F2R: variants seen among roughly 807,000 people sequenced by gnomAD.
The protein encoded by F2R is proteinase-activated receptor 1.
Under a neutral mutation model 18.3 loss-of-function variants are expected in F2R, and 12 were observed. The observed-to-expected ratio is 0.66, with a 90% CI of 0.42 to 1.06. The LOEUF is 1.06. Among genes scored for constraint, F2R ranks in the 50% least tolerant of loss-of-function variants. The probability of loss-of-function intolerance (pLI) is 0.00; values close to 1 mark genes in which losing one functional copy is unlikely to be tolerated. For synonymous variants in F2R, 210 were observed against 219.9 expected (o/e 0.95, Z 0.40); for missense variants, 438 against 530.8 (o/e 0.83, Z 1.72).
At chr5:76,731,499 T>C (rs1294729257) in intron 1 of F2R, among the ~76,000 whole-genome samples, 2 of 146,852 alleles carry the variant, frequency 1.4e-5, no homozygotes, top group Admixed American at 1.4e-4. Flanking sequence ...GAAAAAGAAA[T>C]CCCCTCTACT....
At chr5:76,731,727 A>T (rs1268266316) in intron 1 of F2R, among the ~76,000 whole-genome samples, 1 of 151,852 alleles carries the variant, frequency 6.6e-6, no homozygotes, top group Non-Finnish European at 1.5e-5. Flanking sequence ...ATGGGGTTTC[A>T]CCATCTTGGC....
At chr5:76,731,368 C>T (rs1343820367) in intron 1 of F2R, among the ~76,000 whole-genome samples, 4 of 151,792 alleles carry the variant, frequency 2.6e-5, no homozygotes, top group East Asian at 2.0e-4. Flanking sequence ...CAGCTACTCA[C>T]GAGGCTGAGG....
At chr5:76,725,047 T>A (rs1221651083) in intron 1 of F2R, among the ~76,000 whole-genome samples, 3 of 152,212 alleles carry the variant, frequency 2.0e-5, no homozygotes, top group Admixed American at 2.0e-4. Context: ...AGCAAAGTCC[T>A]GGGACTTCTG....
At chr5:76,727,551 A>T (rs1268869924) in intron 1 of F2R, among the ~76,000 whole-genome samples, 2 of 151,940 alleles carry the variant, frequency 1.3e-5, no homozygotes, top group African/African-American at 2.4e-5. Flanking sequence ...TTGTCTGGAG[A>T]CCCTCTCCCA....
At chr5:76,719,587 T>C (rs2227758) in intron 1 of F2R, among the ~76,000 whole-genome samples, 1 of 124,802 alleles carries the variant, frequency 8.0e-6, no homozygotes, top group Non-Finnish European at 1.6e-5. Flanking sequence ...AGACTCTCTC[T>C]CAAAAAAAAA....
At position 76,734,805 on chromosome 5, in the gene F2R, T is replaced by C. The variant is rs961832113; in HGVS notation, c.*1302T>C. ...ACTATTTCTTGTGGTTATAACTTAATGAAAACAATGCAGTACAGGACATAT... is the reference window on the plus strand; with the variant it reads ...ACTATTTCTTGTGGTTATAACTTAACGAAAACAATGCAGTACAGGACATAT... On this transcript the variant is annotated 3_prime_UTR_variant, in exon 2 of 2. Coordinates refer to ENST00000319211, the MANE Select transcript of F2R (RefSeq NM_001992.5). 2.0e-5 allele frequency: 3 copies of C among 152,372 alleles called. No individual in the cohort carries two copies. The highest frequency in any genetic ancestry group is 4.4e-5 in the Non-Finnish European group (3 of 68,040). The allele number at this position is 152,372 out of a possible 1,614,324, so 9.4% of individuals were successfully genotyped here.
chr5:76,720,468 T>G, intron 1 of F2R, among the ~76,000 whole-genome samples: 1 of 152,028 alleles, frequency 6.6e-6, no homozygotes, highest in Non-Finnish European at 1.5e-5. Flanking sequence ...AATTTTAAAT[T>G]TAAATTAATC....
In F2R at chr5:76,716,185, A is replaced by G. The variant is rs1748336797; in HGVS notation, c.-123A>G. ...TTGGACCCTGATCTTACCCGTGGGC[A>G]CCCTGCGCTCTGCCTGCCGCGAAGA... On this transcript the variant is annotated 5_prime_UTR_variant, in exon 1 of 2. Transcript: ENST00000319211. The G allele has an allele frequency of 1.5e-6, 1 of 649,798 alleles. No homozygotes were observed. Among genetic ancestry groups the G allele is most frequent in the Non-Finnish European group, 2.2e-6 (1 of 451,742 alleles). 40.3% of individuals were successfully genotyped at this position (649,798 alleles called of 1,614,324 possible).
chr5:76,735,606 CTATT>C lies in F2R; in HGVS notation c.*2104_*2107del, dbSNP rs1334343795. 3 of 152,210 alleles carry C rather than the reference CTATT, an allele frequency of 2.0e-5. No individual in the cohort carries two copies. The South Asian group carries it at 6.2e-4, about 32-fold the overall frequency. 9.4% of individuals were successfully genotyped at this position (152,210 alleles called of 1,614,324 possible). On this transcript the variant is annotated 3_prime_UTR_variant, in exon 2 of 2. Coordinates refer to ENST00000319211, the MANE Select transcript of F2R (RefSeq NM_001992.5). ...AGCACTGGTTTTATTAATTTAGTGA[CTATT>C]CATTTTATCTAAATCAGTGAAGATT...
At chr5:76,730,938 T>C (rs1007235515) in intron 1 of F2R, among the ~76,000 whole-genome samples, 5 of 152,234 alleles carry the variant, frequency 3.3e-5, no homozygotes, top group African/African-American at 1.2e-4. Context: ...TAGAGATGCA[T>C]AGGGCAGCGA....
intron 1 of F2R, 24 bp from the exon 2 acceptor site, chr5:76,732,290 A>G (rs770658048): frequency 1.5e-4 from 239 of 1,544,104 alleles, no homozygotes; most frequent in Non-Finnish European, 2.0e-4. Context: ...TTACATTTAA[A>G]ATTTTTTTAA....
intron 1 of F2R, among the ~76,000 whole-genome samples, chr5:76,729,891 G>A (rs1295286183): frequency 1.3e-5 from 2 of 152,130 alleles, no homozygotes; most frequent in Admixed American, 6.5e-5. Context: ...AGTAAAATGG[G>A]TCTCTCAAGA....
Position 76,733,352 on chromosome 5 carries a change from C to T in F2R, c.1127C>T (p.Ser376Phe), listed in dbSNP as rs758769711. The part of the protein sequence containing the change: ...IDPLIYYYAS[S>F]ECQRYVYSIL... The stretch of plus-strand genomic sequence containing the variant: ...CCCCTAATTTACTATTACGCTTCCT[C>T]TGAGTGCCAGAGGTACGTCTACAGT... The change falls in exon 2 of 2, where the codon TCT becomes TTT. Residue 376 changes from serine (S) to phenylalanine (F), a missense_variant. Coordinates refer to ENST00000319211, the MANE Select transcript of F2R (RefSeq NM_001992.5). 38 of 1,614,080 alleles carry T rather than the reference C, an allele frequency of 2.4e-5. No homozygotes were observed. The Middle Eastern group carries it at 8.2e-4, about 35-fold the overall frequency.
intron 1 of F2R, among the ~76,000 whole-genome samples, chr5:76,722,109 TAC>T (rs1247541735): frequency 1.3e-5 from 2 of 152,210 alleles, no homozygotes; most frequent in Admixed American, 1.3e-4. Flanking sequence ...AGTTCAGATA[TAC>T]AGACTGCAGA....
intron 1 of F2R, among the ~76,000 whole-genome samples, chr5:76,728,685 C>CTTTTT (rs763418437): frequency 0.014 from 1,284 of 90,402 alleles, 49 homozygotes; most frequent in East Asian, 0.022. Flanking sequence ...ACATCCTGGT[C>CTTTTT]TTTTTTTTTT....
chr5:76,717,117 AG>A (rs1370062107), intron 1 of F2R, among the ~76,000 whole-genome samples: 2 of 152,242 alleles, frequency 1.3e-5, no homozygotes, highest in African/African-American at 4.8e-5. Context: ...GTGGGATCCC[AG>A]TATTTCTTAA....
intron 1 of F2R, among the ~76,000 whole-genome samples, chr5:76,719,634 C>T (rs1748410329): frequency 6.6e-6 from 1 of 151,986 alleles, no homozygotes; most frequent in Non-Finnish European, 1.5e-5. Flanking sequence ...AGGCCTGTCT[C>T]TCCGAAGTGC....
chr5:76,727,599 C>A (rs1748587841), intron 1 of F2R, among the ~76,000 whole-genome samples: 1 of 152,206 alleles, frequency 6.6e-6, no homozygotes, highest in Non-Finnish European at 1.5e-5. Flanking sequence ...CCTACACTAC[C>A]AGGCTCTGCT....
intron 1 of F2R, among the ~76,000 whole-genome samples, chr5:76,724,671 C>T (rs1425831007): frequency 6.6e-6 from 1 of 152,216 alleles, no homozygotes; most frequent in East Asian, 1.9e-4. Context: ...TGTTTCAATT[C>T]ATTTCCATCA....
Sources: gnomAD v4.1 joint callset for allele counts (sites outside exome capture counted in the v4.1 genomes callset) on GRCh38, gnomAD v4.1.1 for gene constraint, MANE v1.5 for transcripts, NCBI Gene and HGNC (gene_info 2026-07-23, HGNC 2026-07-21) for gene names.